The following KIAA1958 variants were observed in gnomAD, a reference collection of about 807,000 sequenced individuals.
KIAA1958 encodes uncharacterized protein KIAA1958.
In KIAA1958, 14 loss-of-function variants were observed where a neutral mutation model predicts 47.2. The observed-to-expected ratio is 0.30, with a 90% CI of 0.20 to 0.46. KIAA1958 has a LOEUF of 0.46. Among genes scored for constraint, KIAA1958 ranks in the 20% least tolerant of loss-of-function variants. The pLI, the probability that KIAA1958 is intolerant of heterozygous loss-of-function variation, is 1.00. For synonymous variants in KIAA1958, 354 were observed against 353.3 expected (o/e 1.00, Z -0.02); for missense variants, 803 against 909.2 (o/e 0.88, Z 1.50).
At chr9:112,491,462 TCTC>T (rs913411195) in intron 1 of KIAA1958, among the ~76,000 whole-genome samples, 1 of 151,918 alleles carries the variant, frequency 6.6e-6, no homozygotes, top group African/African-American at 2.4e-5. Context: ...TTCACCTTAC[TCTC>T]CTCTGGAAAT....
chr9:112,572,511 A>G (rs893972472), intron 1 of KIAA1958, among the ~76,000 whole-genome samples: 6 of 152,204 alleles, frequency 3.9e-5, no homozygotes, highest in African/African-American at 1.4e-4. Context: ...CAAGCAAATC[A>G]ATGATAACAG....
chr9:112,487,468 C>T (rs1833880523), intron 1 of KIAA1958, among the ~76,000 whole-genome samples: 2 of 152,184 alleles, frequency 1.3e-5, no homozygotes, highest in Non-Finnish European at 2.9e-5. Context: ...GCCCCCGCTC[C>T]TGCTCTTGGG....
chr9:112,536,656 G>A (rs1327121568), intron 1 of KIAA1958, among the ~76,000 whole-genome samples: 1 of 152,152 alleles, frequency 6.6e-6, no homozygotes, highest in African/African-American at 2.4e-5. Flanking sequence ...GGTGGTGCAT[G>A]TCTGTAGTCC....
chr9:112,509,615 G>T (rs929164357), intron 1 of KIAA1958, among the ~76,000 whole-genome samples: 1 of 152,190 alleles, frequency 6.6e-6, no homozygotes, highest in Non-Finnish European at 1.5e-5. Context: ...AGGCAAAAAG[G>T]ATTATGGATG....
intron 1 of KIAA1958, among the ~76,000 whole-genome samples, chr9:112,569,787 A>AT (rs1229500904): frequency 1.3e-5 from 2 of 151,418 alleles, no homozygotes; most frequent in Non-Finnish European, 2.9e-5. Context: ...TGCCTGACTA[A>AT]TTTTTTTTGT....
intron 1 of KIAA1958, among the ~76,000 whole-genome samples, chr9:112,561,726 G>A (rs1440317017): frequency 2.0e-5 from 3 of 152,102 alleles, no homozygotes; most frequent in Non-Finnish European, 4.4e-5. Flanking sequence ...ATGGTGGTGG[G>A]CACCTGTAAC....
Position 112,664,442 on chromosome 9 carries a change from G to A in KIAA1958, c.*4373G>A, listed in dbSNP as rs1837324577. On this transcript the variant is annotated 3_prime_UTR_variant, in exon 4 of 4. Coordinates refer to ENST00000337530, the MANE Select transcript of KIAA1958 (RefSeq NM_133465.4). ...TTGAGCTAGTAGACGTTACCTTTAA[G>A]CATCAATGAATGCAAACAGTGAAGA... The A allele has an allele frequency of 1.3e-5, 2 of 152,172 alleles. No homozygotes were observed. The highest frequency in any genetic ancestry group is 1.9e-4 in the East Asian group (1 of 5,196). The allele number at this position is 152,172 out of a possible 1,614,324, so 9.4% of individuals were successfully genotyped here.
chr9:112,522,033 G>A (rs1834553844), intron 1 of KIAA1958, among the ~76,000 whole-genome samples: 1 of 151,944 alleles, frequency 6.6e-6, no homozygotes, highest in Non-Finnish European at 1.5e-5. Flanking sequence ...GTGCAGTGGT[G>A]CAATCTTGGC....
intron 3 of KIAA1958, among the ~76,000 whole-genome samples, chr9:112,658,767 G>C (rs1325497804): frequency 2.6e-5 from 4 of 151,752 alleles, no homozygotes; most frequent in Non-Finnish European, 5.9e-5. Context: ...AGACCATCCT[G>C]GCTAACACTG....
chr9:112,521,460 C>T (rs1787391989), intron 1 of KIAA1958, among the ~76,000 whole-genome samples: 1 of 152,134 alleles, frequency 6.6e-6, no homozygotes. Context: ...GTGACCCTCC[C>T]ACGTTGGCCT....
Position 112,618,251 on chromosome 9 carries a change from A to G in KIAA1958, c.1172-27399A>G. 1 of 1,550,786 alleles carries G rather than the reference A, an allele frequency of 6.4e-7. No homozygotes were observed. Reference sequence around the variant, plus strand: ...AAAAGGAAATAAGCCACACAAGTCCATGAAGCTCACCTTTGCTGACGAGCT... The same window carrying G: ...AAAAGGAAATAAGCCACACAAGTCCGTGAAGCTCACCTTTGCTGACGAGCT... On this transcript the variant is annotated intron_variant, in intron 2 of 3. Transcript: ENST00000337530. This position sits in a 1 kb window ranked among gnomAD's most constrained non-coding sequence, Gnocchi z 7.1.
At chr9:112,539,722 C>T (rs1483254105) in intron 1 of KIAA1958, among the ~76,000 whole-genome samples, 1 of 151,328 alleles carries the variant, frequency 6.6e-6, no homozygotes, top group African/African-American at 2.4e-5. Flanking sequence ...ATGGAGTCTC[C>T]CTCTGTCACC....
chr9:112,650,730 A>G (rs925630159), intron 3 of KIAA1958, among the ~76,000 whole-genome samples: 3 of 152,200 alleles, frequency 2.0e-5, no homozygotes, highest in African/African-American at 7.2e-5. Flanking sequence ...TCTACCCATG[A>G]AAAGAGAGAT....
intron 2 of KIAA1958, among the ~76,000 whole-genome samples, chr9:112,581,271 T>C (rs1009636615): frequency 6.6e-6 from 1 of 152,062 alleles, no homozygotes; most frequent in African/African-American, 2.4e-5. Flanking sequence ...CTAAAGAGAG[T>C]ACCTGACATA....
chr9:112,561,819 C>T (rs988862093), intron 1 of KIAA1958, among the ~76,000 whole-genome samples: 4 of 152,178 alleles, frequency 2.6e-5, no homozygotes, highest in Non-Finnish European at 5.9e-5. Flanking sequence ...CGTGCCATTG[C>T]ACTGCAGCCT....
intron 2 of KIAA1958, among the ~76,000 whole-genome samples, chr9:112,593,164 C>T (rs997471236): frequency 3.3e-5 from 5 of 152,064 alleles, no homozygotes; most frequent in African/African-American, 1.2e-4. Flanking sequence ...AAATTAAAAA[C>T]AAAATCTTTT....
intron 2 of KIAA1958, among the ~76,000 whole-genome samples, chr9:112,601,673 A>G (rs1024708126): frequency 2.0e-5 from 3 of 152,300 alleles, no homozygotes; most frequent in Non-Finnish European, 4.4e-5. Flanking sequence ...GATACAGATG[A>G]GAAAGCGGAG....
intron 1 of KIAA1958, among the ~76,000 whole-genome samples, chr9:112,570,001 G>C (rs1414776352): frequency 1.3e-5 from 2 of 152,170 alleles, no homozygotes; most frequent in Admixed American, 1.3e-4. Flanking sequence ...AGAATTTTCA[G>C]ATCTAACAGG....
intron 1 of KIAA1958, among the ~76,000 whole-genome samples, chr9:112,519,977 A>G (rs1834509461): frequency 6.6e-6 from 1 of 152,204 alleles, no homozygotes. Flanking sequence ...GACTAGTATA[A>G]TAAAAGAGGG....
Sources: gnomAD v4.1 joint callset for allele counts (sites outside exome capture counted in the v4.1 genomes callset) on GRCh38, gnomAD v4.1.1 for gene constraint, Gnocchi (gnomAD v3.1) non-coding constraint, MANE v1.5 for transcripts, NCBI Gene and HGNC (gene_info 2026-07-23, HGNC 2026-07-21) for gene names.